The following HS6ST3 variants were observed in gnomAD, a reference collection of about 807,000 sequenced individuals.
The protein encoded by HS6ST3 is heparan-sulfate 6-O-sulfotransferase 3.
HS6ST3 carries 12 observed loss-of-function variants against 36.7 expected under a neutral mutation model. The ratio of observed to expected loss-of-function variants is 0.33; its 90% CI spans 0.21 to 0.53. The LOEUF is 0.53. Among genes scored for constraint, HS6ST3 ranks in the 20% least tolerant of loss-of-function variants. The pLI, the probability that HS6ST3 is intolerant of heterozygous loss-of-function variation, is 0.95. For synonymous variants in HS6ST3, 240 were observed against 257.5 expected (o/e 0.93, Z 0.65); for missense variants, 584 against 640.9 (o/e 0.91, Z 0.96).
intron 1 of HS6ST3, among the ~76,000 whole-genome samples, chr13:96,266,946 G>A (rs190749955): frequency 3.3e-5 from 5 of 152,306 alleles, no homozygotes; most frequent in Admixed American, 3.3e-4. Context: ...TTGGCTGTGT[G>A]TTTCCACCCA....
chr13:96,338,408 C>T (rs1304890448), intron 1 of HS6ST3, among the ~76,000 whole-genome samples: 1 of 152,176 alleles, frequency 6.6e-6, no homozygotes. Flanking sequence ...TCACTTATCC[C>T]TGGTGTACTG....
intron 1 of HS6ST3, among the ~76,000 whole-genome samples, chr13:96,411,620 C>A (rs537660352): frequency 1.3e-5 from 2 of 152,130 alleles, no homozygotes; most frequent in Non-Finnish European, 2.9e-5. Flanking sequence ...ATAGGGGTGG[C>A]ACACTCAGAT....
At chr13:96,329,635 GT>G (rs1293344167) in intron 1 of HS6ST3, among the ~76,000 whole-genome samples, 1 of 116,962 alleles carries the variant, frequency 8.5e-6, no homozygotes, top group East Asian at 2.3e-4. Flanking sequence ...GTGTGGTGTG[GT>G]GCTGAAAAAA....
chr13:96,620,907 G>A (rs1210086062), intron 1 of HS6ST3, among the ~76,000 whole-genome samples: 2 of 152,096 alleles, frequency 1.3e-5, no homozygotes, highest in African/African-American at 4.8e-5. Context: ...CAGAACTAGG[G>A]CGATTATGCT....
intron 1 of HS6ST3, among the ~76,000 whole-genome samples, chr13:96,380,000 T>C (rs2055333244): frequency 6.6e-6 from 1 of 152,236 alleles, no homozygotes; most frequent in Admixed American, 6.5e-5. Context: ...TGAAATCACA[T>C]AGTTTTATAA....
At position 96,598,486 on chromosome 13, in the gene HS6ST3, T is replaced by C. The variant is rs1039797867; in HGVS notation, c.708-234004T>C. ...GATTTAATTTTCATCTTGGCCATTG[T>C]TGGTATATAACAGTGCTACTGATCT... On this transcript the variant is annotated intron_variant, in intron 1 of 1. Transcript: ENST00000376705. 2.0e-5 allele frequency among the ~76,000 whole-genome samples: 3 copies of C among 152,136 alleles called. No homozygotes were observed. In the East Asian group the frequency reaches 5.8e-4, roughly 29 times the overall value.
rs138459802 is a variant in HS6ST3 at position 96,450,524 on chromosome 13, C to G, written c.707+358955C>G. 3.6e-3 allele frequency among the ~76,000 whole-genome samples: 552 copies of G among 152,270 alleles called. 2 individuals carry two copies. The highest frequency in any genetic ancestry group is 7.2e-3 in the Admixed American group (110 of 15,296). ...TGTGCTTTTATTCTAGCTGGGATTTCAATGACTATTGAGTATTTTTTCCAT... is the reference window on the plus strand; with the variant it reads ...TGTGCTTTTATTCTAGCTGGGATTTGAATGACTATTGAGTATTTTTTCCAT... On this transcript the variant is annotated intron_variant, in intron 1 of 1. Transcript: ENST00000376705.
At chr13:96,794,340 G>A (rs1308650198) in intron 1 of HS6ST3, among the ~76,000 whole-genome samples, 1 of 151,996 alleles carries the variant, frequency 6.6e-6, no homozygotes, top group Non-Finnish European at 1.5e-5. Context: ...ATTCCTCTGT[G>A]CAGGTTAGAA....
intron 1 of HS6ST3, among the ~76,000 whole-genome samples, chr13:96,547,184 A>G (rs1349596691): frequency 6.6e-6 from 1 of 152,210 alleles, no homozygotes; most frequent in Non-Finnish European, 1.5e-5. Context: ...GGAACAATAA[A>G]TATTACCTAA....
At chr13:96,709,465 C>G (rs899585295) in intron 1 of HS6ST3, among the ~76,000 whole-genome samples, 1 of 152,102 alleles carries the variant, frequency 6.6e-6, no homozygotes, top group Non-Finnish European at 1.5e-5. Flanking sequence ...TTTGTGTCCT[C>G]CCAGAACTCT....
chr13:96,274,656 C>A (rs1237775964), intron 1 of HS6ST3, among the ~76,000 whole-genome samples: 2 of 151,996 alleles, frequency 1.3e-5, no homozygotes, highest in Non-Finnish European at 2.9e-5. Flanking sequence ...GTTGTGGGGA[C>A]AAGGGACTAA....
At chr13:96,447,679 A>G (rs983467421) in intron 1 of HS6ST3, among the ~76,000 whole-genome samples, 4 of 152,060 alleles carry the variant, frequency 2.6e-5, no homozygotes, top group Non-Finnish European at 5.9e-5. Flanking sequence ...GTAGGGTGGG[A>G]GGGCCAGTTT....
intron 1 of HS6ST3, among the ~76,000 whole-genome samples, chr13:96,254,086 T>C (rs1754039356): frequency 6.6e-6 from 1 of 152,070 alleles, no homozygotes; most frequent in South Asian, 2.1e-4. Context: ...AGGTTACAAA[T>C]ATAACTTTTC....
At chr13:96,126,750 T>G (rs1188218587) in intron 1 of HS6ST3, among the ~76,000 whole-genome samples, 2 of 152,120 alleles carry the variant, frequency 1.3e-5, no homozygotes, top group East Asian at 3.9e-4. Flanking sequence ...TTTATTTATC[T>G]TATTAGGGCT....
intron 1 of HS6ST3, among the ~76,000 whole-genome samples, chr13:96,673,060 C>G (rs566217332): frequency 6.6e-6 from 1 of 152,196 alleles, no homozygotes; most frequent in South Asian, 2.1e-4. Context: ...AGAGGAGAAC[C>G]CTCTCCTTTC....
chr13:96,429,791 G>A (rs1380975108), intron 1 of HS6ST3, among the ~76,000 whole-genome samples: 1 of 152,176 alleles, frequency 6.6e-6, no homozygotes, highest in East Asian at 1.9e-4. Flanking sequence ...TAGGGAGTAG[G>A]AAAACTCTTT....
chr13:96,766,022 A>G (rs1249816275), intron 1 of HS6ST3, among the ~76,000 whole-genome samples: 2 of 152,210 alleles, frequency 1.3e-5, no homozygotes, highest in Admixed American at 6.5e-5. Context: ...CCTATTGTCA[A>G]TCAGTCAGAG....
intron 1 of HS6ST3, among the ~76,000 whole-genome samples, chr13:96,197,380 G>A (rs2054319446): frequency 6.6e-6 from 1 of 152,060 alleles, no homozygotes; most frequent in Non-Finnish European, 1.5e-5. Context: ...CCTTCCCCTG[G>A]GTCCCTCCCA....
At chr13:96,671,459 A>G (rs2056682419) in intron 1 of HS6ST3, among the ~76,000 whole-genome samples, 1 of 152,176 alleles carries the variant, frequency 6.6e-6, no homozygotes, top group Admixed American at 6.5e-5. Flanking sequence ...GTTACCATAA[A>G]TCAGTTGCCA....
Sources: allele counts gnomAD v4.1 joint callset (sites outside exome capture counted in the v4.1 genomes callset), GRCh38; gene constraint gnomAD v4.1.1; transcripts MANE v1.5; gene names NCBI Gene and HGNC (gene_info 2026-07-23, HGNC 2026-07-21).